Variants in SYCP3 observed in about 807,000 individuals in gnomAD.
SYCP3 encodes synaptonemal complex protein 3.
A neutral mutation model predicts 38.5 loss-of-function variants in SYCP3; 29 were observed. The ratio of observed to expected loss-of-function variants is 0.75; its 90% CI spans 0.56 to 1.03. SYCP3 has a LOEUF of 1.03. SYCP3 is among the 50% of genes least tolerant of loss of function. SYCP3 has a pLI of 0.00. For synonymous variants in SYCP3, 79 were observed against 80.3 expected (o/e 0.98, Z 0.08); for missense variants, 242 against 270.7 (o/e 0.89, Z 0.74).
chr12:101,738,715 G>A (rs1424515063), intron 1 of SYCP3, among the ~76,000 whole-genome samples: 2 of 152,222 alleles, frequency 1.3e-5, no homozygotes, highest in African/African-American at 4.8e-5. Context: ...CAGCCTGGGC[G>A]ACAGAGTGAG....
intron 7 of SYCP3, among the ~76,000 whole-genome samples, chr12:101,730,988 G>A (rs12296641): frequency 0.1 from 15,464 of 152,038 alleles, 901 homozygotes; most frequent in Middle Eastern, 0.2. Context: ...TGAACAAGAG[G>A]GGTACAGACT....
At chr12:101,730,975 G>A (rs1031367374) in intron 7 of SYCP3, among the ~76,000 whole-genome samples, 2 of 152,074 alleles carry the variant, frequency 1.3e-5, no homozygotes, top group Non-Finnish European at 2.9e-5. Flanking sequence ...GTATATTTCT[G>A]CCTGAACAAG....
At chr12:101,729,358 G>A in intron 7 of SYCP3, 145 bp from the exon 8 acceptor site, 1 of 805,222 alleles carries the variant, frequency 1.2e-6, no homozygotes. Context: ...AGTAATACAT[G>A]AATACCAAAA....
chr12:101,733,571 C>T lies in SYCP3; in HGVS notation c.453+4G>A. On this transcript the variant is annotated splice_donor_region_variant and intron_variant, in intron 6 of 8. Transcript: ENST00000392924. ...TTGATTATAAACCTAATCATGATAC[C>T]AACAAGTATTTTTTCTTCTTGTTCC... 1.2e-6 allele frequency: 2 copies of T among 1,610,090 alleles called. No individual in the cohort carries two copies. Among genetic ancestry groups the T allele is most frequent in the Non-Finnish European group, 1.7e-6 (2 of 1,178,146 alleles).
chr12:101,736,975 A>G, intron 4 of SYCP3, 62 bp downstream of exon 4: 1 of 1,467,386 alleles, frequency 6.8e-7, no homozygotes, highest in South Asian at 1.2e-5. Context: ...AACATTTGTT[A>G]TTATACAAAT....
intron 1 of SYCP3, 152 bp downstream of exon 1, chr12:101,739,199 C>CAAAA: frequency 1.1e-6 from 1 of 946,866 alleles, no homozygotes; most frequent in Non-Finnish European, 1.3e-6. Context: ...CCACTAGGCC[C>CAAAA]TATCCTGCTC....
rs1294887637 is a variant in SYCP3 at position 101,735,781 on chromosome 12, A to C, written c.236-737T>G. 2.7e-5 allele frequency among the ~76,000 whole-genome samples: 4 copies of C among 149,298 alleles called. No individual in the cohort carries two copies. In the East Asian group the frequency reaches 5.8e-4, roughly 22 times the overall value. ...CTCATTATAGAAAATATGTAAAAGT[A>C]CTCTATTAGAAAGAATCCAAAAAGG... is the stretch of plus-strand genomic sequence containing the variant. On this transcript the variant is annotated intron_variant, in intron 4 of 8. Transcript: ENST00000392924.
Position 101,737,200 on chromosome 12 carries a change from C to G in SYCP3, c.200+32G>C, listed in dbSNP as rs761766368. The stretch of plus-strand genomic sequence containing the variant: ...AGCAACTTTTCTTGAAGTGCTTTAT[C>G]TAAGAAACAAAAATTATTTTGAACA... On this transcript the variant is annotated intron_variant, in intron 3 of 8. Coordinates refer to ENST00000392924, the MANE Select transcript of SYCP3 (RefSeq NM_001177949.2). The G allele has an allele frequency of 2.2e-5, 35 of 1,610,326 alleles. 1 individual carries two copies. The South Asian group carries it at 2.4e-4, about 11-fold the overall frequency.
At position 101,735,182 on chromosome 12, in the gene SYCP3, T is replaced by C. The variant is rs753210517; in HGVS notation, c.236-138A>G. On this transcript the variant is annotated intron_variant, in intron 4 of 8. Coordinates refer to ENST00000392924, the MANE Select transcript of SYCP3 (RefSeq NM_001177949.2). ...AACTTAAATTTAGAAATAGGCATAATTTCAAAATGCAGAATTGTTTGCTTA... is the reference window on the plus strand; with the variant it reads ...AACTTAAATTTAGAAATAGGCATAACTTCAAAATGCAGAATTGTTTGCTTA... 21 of 613,878 alleles carry C rather than the reference T, an allele frequency of 3.4e-5. No homozygotes were observed. The South Asian group carries it at 4.1e-4, about 12-fold the overall frequency. 38.0% of individuals were successfully genotyped at this position (613,878 alleles called of 1,614,324 possible).
intron 7 of SYCP3, chr12:101,729,446 T>C (rs867632522): frequency 2.4e-6 from 1 of 418,434 alleles, no homozygotes; most frequent in African/African-American, 2.1e-5. Context: ...TTGCCCACAA[T>C]GGGTTTCCTG....
chr12:101,732,057 C>A lies in SYCP3; in HGVS notation c.454-391G>T, dbSNP rs191979963. The A allele has an allele frequency of 2.6e-3, 525 of 198,578 alleles. 4 individuals carry two copies. Among genetic ancestry groups the A allele is most frequent in the African/African-American group, 0.012 (497 of 42,024 alleles). 12.3% of individuals were successfully genotyped at this position (198,578 alleles called of 1,614,324 possible). A position where few individuals can be genotyped will look rare whatever the true frequency, so the allele number is the denominator to read the frequency against. Reference sequence around the variant, plus strand: ...ATTTTGTCATTACTAATAATTCTAACCACTACACAGTATTAGTAATGGTAA... The same window carrying A: ...ATTTTGTCATTACTAATAATTCTAAACACTACACAGTATTAGTAATGGTAA... On this transcript the variant is annotated intron_variant, in intron 6 of 8. Coordinates refer to ENST00000392924, the MANE Select transcript of SYCP3 (RefSeq NM_001177949.2).
intron 7 of SYCP3, among the ~76,000 whole-genome samples, chr12:101,730,027 A>T (rs1952113593): frequency 6.6e-6 from 1 of 152,178 alleles, no homozygotes; most frequent in Admixed American, 6.5e-5. Context: ...AAAGAGGGTC[A>T]TGTCATAGGG....
chr12:101,738,128 TAATAA>T lies in SYCP3; in HGVS notation c.-17-181_-17-177del, dbSNP rs140253231. On this transcript the variant is annotated intron_variant, in intron 1 of 8. Coordinates refer to ENST00000392924, the MANE Select transcript of SYCP3 (RefSeq NM_001177949.2). ...GAAGATAATGACATTTGTTAAAAAA[TAATAA>T]AATAAATAGGCCAAGCACGGTAGCT... Among the ~76,000 whole-genome samples, 359 of 151,942 alleles carry T rather than the reference TAATAA, an allele frequency of 2.4e-3. 3 individuals carry two copies. Among genetic ancestry groups the T allele is most frequent in the Non-Finnish European group, 3.8e-3 (258 of 67,964 alleles).
chr12:101,729,024 T>A (rs1952060936), intron 8 of SYCP3, 44 bp from the exon 9 acceptor site: 1 of 1,611,944 alleles, frequency 6.2e-7, no homozygotes, highest in Non-Finnish European at 8.5e-7. Flanking sequence ...TAATTTTTAT[T>A]TAAGTGTTAT....
At position 101,733,549 on chromosome 12, in the gene SYCP3, A is replaced by G. The variant is rs1231073340; in HGVS notation, c.453+26T>C. The G allele has an allele frequency of 3.1e-6, 5 of 1,596,672 alleles. No homozygotes were observed. The African/African-American group carries it at 5.4e-5, about 17-fold the overall frequency. Reference sequence around the variant, plus strand: ...TCCATTCCTACTTGAGACTTGGTTGATTATAAACCTAATCATGATACCAAC... The same window carrying G: ...TCCATTCCTACTTGAGACTTGGTTGGTTATAAACCTAATCATGATACCAAC... On this transcript the variant is annotated intron_variant, in intron 6 of 8. Transcript: ENST00000392924.
At chr12:101,731,935 C>G (rs1342037090) in intron 6 of SYCP3, 1 of 300,216 alleles carries the variant, frequency 3.3e-6, no homozygotes, top group East Asian at 8.0e-5. Context: ...CACAGATGAT[C>G]CTTCCAATAA....
At chr12:101,730,437 A>C (rs1952135505) in intron 7 of SYCP3, 2 of 419,044 alleles carry the variant, frequency 4.8e-6, no homozygotes, top group South Asian at 3.5e-5. Context: ...CATTGGAACA[A>C]GACAACAAGT....
chr12:101,736,717 T>C lies in SYCP3; in HGVS notation c.235+320A>G, dbSNP rs1952460515. Among the ~76,000 whole-genome samples, 3 of 150,018 alleles carry C rather than the reference T, an allele frequency of 2.0e-5. No individual in the cohort carries two copies. In the South Asian group the frequency reaches 6.3e-4, roughly 31 times the overall value. On this transcript the variant is annotated intron_variant, in intron 4 of 8. Coordinates refer to ENST00000392924, the MANE Select transcript of SYCP3 (RefSeq NM_001177949.2). ...ATATGTATGTATGTATATGTGTGTGTGTGTGTGTGTGTGTGTGTGTGTGTA... is the reference window on the plus strand; with the variant it reads ...ATATGTATGTATGTATATGTGTGTGCGTGTGTGTGTGTGTGTGTGTGTGTA...
chr12:101,731,653 T>C lies in SYCP3; in HGVS notation c.467A>G (p.Gln156Arg). 1 of 1,598,632 alleles carries C rather than the reference T, an allele frequency of 6.3e-7. No homozygotes were observed. The highest frequency in any genetic ancestry group is 1.1e-5 in the South Asian group (1 of 87,328). Residue 156 changes from glutamine to arginine, a missense_variant, in exon 7 of 9, where the codon CAG becomes CGG. Physicochemically the swap from Gln to Arg is conservative, Grantham distance 43. Coordinates refer to ENST00000392924, the MANE Select transcript of SYCP3 (RefSeq NM_001177949.2). ...QEEKILNMFRQQQKILQQSRI... is the reference protein window; with the variant it reads ...QEEKILNMFRRQQKILQQSRI... ...AGATTGTTGAAGAATCTTTTGTTGC[T>C]GTCGAAACATATTCTACAAATATAA... is the stretch of plus-strand genomic sequence containing the variant.
Sources: allele counts gnomAD v4.1 joint callset (sites outside exome capture counted in the v4.1 genomes callset), GRCh38; gene constraint gnomAD v4.1.1; transcripts MANE v1.5; gene names NCBI Gene and HGNC (gene_info 2026-07-23, HGNC 2026-07-21).